The following DISC1 variants were observed in gnomAD, a reference collection of about 807,000 sequenced individuals.
The protein encoded by DISC1 is disrupted in schizophrenia 1 protein.
DISC1 carries 57 observed loss-of-function variants against 84.5 expected under a neutral mutation model. That is an observed-to-expected ratio of 0.67 (90% CI 0.55 to 0.84). DISC1 has a LOEUF of 0.84. DISC1 is among the 40% of genes least tolerant of loss of function. The pLI, the probability that DISC1 is intolerant of heterozygous loss-of-function variation, is 0.00. For synonymous variants in DISC1, 411 were observed against 415.2 expected (o/e 0.99, Z 0.12); for missense variants, 1,000 against 1,057.8 (o/e 0.95, Z 0.76).
intron 1 of DISC1, among the ~76,000 whole-genome samples, chr1:231,642,325 G>A (rs960762511): frequency 2.0e-5 from 3 of 152,342 alleles, no homozygotes; most frequent in Admixed American, 1.3e-4. Context: ...AGCCGGCTCC[G>A]GCCTTGGCCA....
chr1:231,795,576 A>C (rs920464881), intron 7 of DISC1, among the ~76,000 whole-genome samples: 1 of 152,230 alleles, frequency 6.6e-6, no homozygotes, highest in Admixed American at 6.5e-5. Context: ...CACTATGCAT[A>C]TTGAAAGCCT....
chr1:231,839,158 T>G (rs1353837456), intron 9 of DISC1, among the ~76,000 whole-genome samples: 1 of 152,010 alleles, frequency 6.6e-6, no homozygotes, highest in Non-Finnish European at 1.5e-5. Context: ...AATAGTGTTG[T>G]TTTAGGGAAG....
chr1:232,000,564 GA>G (rs147707067), intron 10 of DISC1, among the ~76,000 whole-genome samples: 5,032 of 152,236 alleles, frequency 0.033, 271 homozygotes, highest in African/African-American at 0.11. Context: ...CAAATTTGGT[GA>G]AAGCCATAAT....
At chr1:231,686,168 T>C (rs191919252) in intron 1 of DISC1, among the ~76,000 whole-genome samples, 1 of 152,182 alleles carries the variant, frequency 6.6e-6, no homozygotes, top group Non-Finnish European at 1.5e-5. Context: ...TGTAGGTGGA[T>C]CTACCATCCT....
At chr1:232,026,234 G>C (rs201446037) in intron 11 of DISC1, among the ~76,000 whole-genome samples, 2 of 152,308 alleles carry the variant, frequency 1.3e-5, no homozygotes, top group East Asian at 3.9e-4. Context: ...CTGTGGAACT[G>C]CATAGACAAA....
intron 9 of DISC1, among the ~76,000 whole-genome samples, chr1:231,844,059 C>G (rs1443090769): frequency 6.6e-6 from 1 of 152,146 alleles, no homozygotes; most frequent in East Asian, 1.9e-4. Flanking sequence ...CACAAAGAAG[C>G]ATGAGAGACT....
intron 3 of DISC1, among the ~76,000 whole-genome samples, chr1:231,736,646 A>G (rs1306270334): frequency 1.3e-5 from 2 of 152,342 alleles, no homozygotes; most frequent in Middle Eastern, 6.8e-3. Context: ...TCTGAAATAC[A>G]TTTTATTACA....
intron 11 of DISC1, among the ~76,000 whole-genome samples, chr1:232,010,742 G>T (rs1382982467): frequency 2.6e-5 from 4 of 152,188 alleles, no homozygotes; most frequent in African/African-American, 9.7e-5. Flanking sequence ...CAGATGTGGA[G>T]AAGTATAATT....
At chr1:231,855,327 C>A in intron 9 of DISC1, 1 of 948,132 alleles carries the variant, frequency 1.1e-6, no homozygotes, top group Non-Finnish European at 1.3e-6. Flanking sequence ...ATAATACATA[C>A]AATTTTTGTC....
chr1:231,652,703 A>G (rs968638243), intron 1 of DISC1, among the ~76,000 whole-genome samples: 3 of 152,208 alleles, frequency 2.0e-5, no homozygotes, highest in Non-Finnish European at 4.4e-5. Flanking sequence ...CTTGTTTTCC[A>G]ACCTAATTTT....
rs912644688 is a variant in DISC1, at chr1:232,036,878, G to A, written c.*47G>A. On this transcript the variant is annotated 3_prime_UTR_variant, in exon 13 of 13. Transcript: ENST00000439617. ...GAGGTGGGCCACCATGTTTGGACCC[G>A]GGGGGCTGCTCTTCCCTCCCCCGCC... 21 of 1,450,126 alleles carry A rather than the reference G, an allele frequency of 1.4e-5. No homozygotes were observed. The highest frequency in any genetic ancestry group is 6.0e-5 in the South Asian group (4 of 66,388). 89.8% of individuals were successfully genotyped at this position (1,450,126 alleles called of 1,614,324 possible).
At chr1:231,656,037 C>T (rs1353143521) in intron 1 of DISC1, among the ~76,000 whole-genome samples, 1 of 152,102 alleles carries the variant, frequency 6.6e-6, no homozygotes, top group Non-Finnish European at 1.5e-5. Flanking sequence ...TTCTCCCATT[C>T]TGTGAGTTGT....
intron 10 of DISC1, among the ~76,000 whole-genome samples, chr1:231,969,383 TG>T (rs1325850821): frequency 6.6e-6 from 1 of 151,966 alleles, no homozygotes; most frequent in Non-Finnish European, 1.5e-5. Flanking sequence ...AGAATGGATC[TG>T]GCTTGTTCTG....
intron 3 of DISC1, among the ~76,000 whole-genome samples, chr1:231,740,758 T>A (rs1404525264): frequency 6.6e-6 from 1 of 152,184 alleles, no homozygotes; most frequent in African/African-American, 2.4e-5. Context: ...TTTTTGTACA[T>A]CTTATACACA....
chr1:231,717,652 A>T (rs543772309), intron 3 of DISC1, among the ~76,000 whole-genome samples: 1 of 152,130 alleles, frequency 6.6e-6, no homozygotes, highest in South Asian at 2.1e-4. Flanking sequence ...AAGAGAGATC[A>T]CTCCAGCAAT....
chr1:231,919,932 T>C (rs2089892357), intron 9 of DISC1, among the ~76,000 whole-genome samples: 1 of 152,214 alleles, frequency 6.6e-6, no homozygotes, highest in Non-Finnish European at 1.5e-5. Flanking sequence ...GGGAAAATCA[T>C]GTGAGGGTTT....
Position 231,952,871 on chromosome 1 carries a change from C to T in DISC1, c.1982-5957C>T, listed in dbSNP as rs1335843388. ...TACTCTTTGTAACTCTGACTTTTTACAGCACAGCCTTTGGCCTCCCCTGAA... is the reference window on the plus strand; with the variant it reads ...TACTCTTTGTAACTCTGACTTTTTATAGCACAGCCTTTGGCCTCCCCTGAA... On this transcript the variant is annotated intron_variant, in intron 9 of 12. Coordinates refer to ENST00000439617, the MANE Select transcript of DISC1 (RefSeq NM_018662.3). Among the ~76,000 whole-genome samples the T allele has an allele frequency of 2.6e-5, 4 of 152,022 alleles. 1 individual carries two copies. Among genetic ancestry groups the T allele is most frequent in the African/African-American group, 9.7e-5 (4 of 41,392 alleles).
At chr1:231,984,877 A>G (rs539877527) in intron 10 of DISC1, among the ~76,000 whole-genome samples, 12 of 152,226 alleles carry the variant, frequency 7.9e-5, no homozygotes, top group Admixed American at 7.2e-4. Flanking sequence ...CATGAACTGA[A>G]CGGGGTTTGA....
At position 231,727,966 on chromosome 1, in the gene DISC1, G is replaced by A. The variant is rs138938696; in HGVS notation, c.1118-21960G>A. On this transcript the variant is annotated intron_variant, in intron 3 of 12. Transcript: ENST00000439617. Reference sequence around the variant, plus strand: ...ACTCTGTCTAAAAAAAAAAGGAGGGGTAGGGGGGTGGTAAGAAAAAACCCT... The same window carrying A: ...ACTCTGTCTAAAAAAAAAAGGAGGGATAGGGGGGTGGTAAGAAAAAACCCT... Among the ~76,000 whole-genome samples, 378 of 151,910 alleles carry A rather than the reference G, an allele frequency of 2.5e-3. 4 individuals are homozygous for A. Among genetic ancestry groups the A allele is most frequent in the African/African-American group, 8.8e-3 (364 of 41,432 alleles).
Sources: gnomAD v4.1 joint callset for allele counts (sites outside exome capture counted in the v4.1 genomes callset) on GRCh38, gnomAD v4.1.1 for gene constraint, MANE v1.5 for transcripts, NCBI Gene and HGNC (gene_info 2026-07-23, HGNC 2026-07-21) for gene names.